The following COQ5 variants were observed in gnomAD, a reference collection of about 807,000 sequenced individuals.
The protein encoded by COQ5 is coenzyme Q5, methyltransferase, also known as 2-methoxy-6-polyprenyl-1,4-benzoquinol methylase, mitochondrial.
A neutral mutation model predicts 40.5 loss-of-function variants in COQ5; 27 were observed. That is an observed-to-expected ratio of 0.67 (90% CI 0.49 to 0.92). COQ5 has a LOEUF of 0.92. Among genes scored for constraint, COQ5 ranks in the 40% least tolerant of loss-of-function variants. The pLI is 0.00. For missense variants in COQ5, 409 were observed against 406.4 expected (o/e 1.01, Z -0.06); for synonymous variants, 141 against 150.0 (o/e 0.94, Z 0.44).
rs1185054034 is a variant in COQ5 at position 120,510,047 on chromosome 12, A to C, written c.651T>G (p.Phe217Leu). The change falls in exon 4 of 7, where the codon TTT becomes TTG. Residue 217 changes from phenylalanine to leucine, a missense_variant. Coordinates refer to ENST00000288532, the MANE Select transcript of COQ5 (RefSeq NM_032314.4). The part of the protein sequence containing the change: ...DDKFDIYTIA[F>L]GIRNVTHIDQ... The stretch of plus-strand genomic sequence containing the variant: ...CAATGTGTGTGACATTCCGGATCCC[A>C]AAGGCAATGGTGTAAATATCAAACT... The C allele has an allele frequency of 6.2e-7, 1 of 1,614,166 alleles. No homozygotes were observed. The highest frequency in any genetic ancestry group is 1.1e-5 in the South Asian group (1 of 91,082).
chr12:120,505,372 TTTTTTTA>T (rs1289763148), intron 4 of COQ5, among the ~76,000 whole-genome samples: 19 of 152,100 alleles, frequency 1.2e-4, no homozygotes, highest in Non-Finnish European at 2.2e-4. Flanking sequence ...TATTCACTTT[TTTTTTTA>T]TTTTTTATTT....
rs1188073766 is a variant in COQ5, at chr12:120,516,548, T to C, written c.574+19A>G. On this transcript the variant is annotated intron_variant, in intron 3 of 6. Transcript: ENST00000288532. ...AAGATACAAATACTTCCCCTGTGTC[T>C]GCCTTCTGCAGGACTCACCAGCTCT... 1.3e-6 allele frequency: 2 copies of C among 1,561,462 alleles called. No homozygotes were observed. The highest frequency in any genetic ancestry group is 3.3e-5 in the Admixed American group (2 of 59,938).
At chr12:120,527,998 A>AAAAAAG (rs1448431717) in intron 1 of COQ5, among the ~76,000 whole-genome samples, 3 of 126,038 alleles carry the variant, frequency 2.4e-5, no homozygotes, top group African/African-American at 3.6e-5. Flanking sequence ...CAAAAAAAAA[A>AAAAAAG]AAAAAAAAAA....
intron 1 of COQ5, chr12:120,523,380 T>C (rs1869771557): frequency 2.7e-6 from 1 of 369,350 alleles, no homozygotes; most frequent in Non-Finnish European, 5.2e-6. Flanking sequence ...TCGGGGTTTC[T>C]TGATACCATT....
chr12:120,515,369 C>T (rs975335391), intron 3 of COQ5, among the ~76,000 whole-genome samples: 4 of 152,210 alleles, frequency 2.6e-5, no homozygotes, highest in African/African-American at 9.7e-5. Context: ...GGATTACAGG[C>T]ATGAGCCACC....
chr12:120,522,629 C>G (rs753415866), intron 1 of COQ5: 3 of 652,140 alleles, frequency 4.6e-6, no homozygotes, highest in African/African-American at 3.6e-5. Flanking sequence ...TCACACCAGT[C>G]CTTCTGTCCT....
Position 120,516,579 on chromosome 12 carries a change from C to T in COQ5, c.562G>A (p.Gly188Arg). The stretch of plus-strand genomic sequence containing the variant: ...CTGCAGGACTCACCAGCTCTGTATC[C>T]TTGAGCCAAGGCTTTCTGCTTTCCA... The part of the protein sequence containing the change: ...KVGKQKALAQ[G>R]YRAGLAWVLG... The change falls in exon 3 of 7, where the codon GGA becomes AGA. Residue 188 changes from glycine to arginine, a missense_variant. Physicochemically the swap from Gly to Arg is moderately radical, Grantham distance 125. Transcript: ENST00000288532. 1 of 1,613,832 alleles carries T rather than the reference C, an allele frequency of 6.2e-7. No homozygotes were observed. The highest frequency in any genetic ancestry group is 8.5e-7 in the Non-Finnish European group (1 of 1,179,764).
At chr12:120,506,668 A>ATT (rs34935556) in intron 4 of COQ5, among the ~76,000 whole-genome samples, 1 of 151,610 alleles carries the variant, frequency 6.6e-6, no homozygotes, top group African/African-American at 2.4e-5. Context: ...CGCCCAGCCT[A>ATT]TTTTTTTTAT....
chr12:120,513,277 G>A (rs1869221221), intron 3 of COQ5, among the ~76,000 whole-genome samples: 1 of 150,100 alleles, frequency 6.7e-6, no homozygotes, highest in East Asian at 2.1e-4. Context: ...GCCGAGGCGG[G>A]CGGATCACAA....
intron 1 of COQ5, chr12:120,523,340 G>GAA: frequency 5.1e-5 from 16 of 314,548 alleles, no homozygotes; most frequent in Non-Finnish European, 7.4e-5. Context: ...CCGTCTCAAA[G>GAA]AAAAAAAAAT....
intron 2 of COQ5, among the ~76,000 whole-genome samples, chr12:120,518,426 CAA>C (rs1216184668): frequency 1.7e-4 from 12 of 71,458 alleles, no homozygotes; most frequent in Admixed American, 3.0e-4. Context: ...AGACCGTTTC[CAA>C]AAAAAAAAAA....
chr12:120,522,263 C>T lies in COQ5; in HGVS notation c.303G>A (p.Lys101=). The T allele has an allele frequency of 6.2e-7, 1 of 1,614,178 alleles. No homozygotes were observed. Among genetic ancestry groups the T allele is most frequent in the Non-Finnish European group, 8.5e-7 (1 of 1,180,040 alleles). ...HRVWKDLLLW[K]MHPLPGTQLL... is the part of the protein sequence containing the mutation. ...GCTGGGTCCCAGGAAGCGGGTGCAT[C>T]TTCCAGAGCAGCAAATCCTTCCAAA... Residue 101 remains lysine, a synonymous_variant, in exon 2 of 7, where the codon AAG becomes AAA. Coordinates refer to ENST00000288532, the MANE Select transcript of COQ5 (RefSeq NM_032314.4).
Position 120,510,045 on chromosome 12 carries a change from C to T in COQ5, c.653G>A (p.Gly218Glu). The T allele has an allele frequency of 6.2e-7, 1 of 1,614,058 alleles. No individual in the cohort carries two copies. The highest frequency in any genetic ancestry group is 8.5e-7 in the Non-Finnish European group (1 of 1,179,956). The change falls in exon 4 of 7, where the codon GGG (glycine) becomes GAG (glutamate). Residue 218 changes from glycine to glutamate, a missense_variant. Gly to Glu is a moderately conservative substitution (Grantham distance 98). Coordinates refer to ENST00000288532, the MANE Select transcript of COQ5 (RefSeq NM_032314.4). ...DKFDIYTIAF[G>E]IRNVTHIDQA... The stretch of plus-strand genomic sequence containing the variant: ...ATCAATGTGTGTGACATTCCGGATC[C>T]CAAAGGCAATGGTGTAAATATCAAA...
chr12:120,504,408 A>ATTTTTT (rs33973905), intron 5 of COQ5, among the ~76,000 whole-genome samples: 2 of 111,064 alleles, frequency 1.8e-5, no homozygotes, highest in Non-Finnish European at 3.5e-5. Context: ...CCTGATTTAA[A>ATTTTTT]TTTTTTTTTT....
Position 120,503,551 on chromosome 12 carries a change from C to T in COQ5, c.*233G>A, listed in dbSNP as rs1410262388. The T allele has an allele frequency of 6.2e-6, 4 of 642,590 alleles. No homozygotes were observed. Among genetic ancestry groups the T allele is most frequent in the Non-Finnish European group, 1.2e-5 (4 of 347,050 alleles). The allele number at this position is 642,590 out of a possible 1,614,324, so 39.8% of individuals were successfully genotyped here. A position where few individuals can be genotyped will look rare whatever the true frequency, so the allele number is the denominator to read the frequency against. On this transcript the variant is annotated 3_prime_UTR_variant, in exon 7 of 7. Coordinates refer to ENST00000288532, the MANE Select transcript of COQ5 (RefSeq NM_032314.4). Reference sequence around the variant, plus strand: ...CAGCCAAGAGAAATTAGCAGTTGAGCAAAGATACAGACCAAATGCCTCTGG... The same window carrying T: ...CAGCCAAGAGAAATTAGCAGTTGAGTAAAGATACAGACCAAATGCCTCTGG...
Position 120,529,044 on chromosome 12 carries a change from C to T in COQ5, c.98G>A (p.Trp33Ter), listed in dbSNP as rs1870098319. 1.2e-6 allele frequency: 2 copies of T among 1,614,022 alleles called. No individual in the cohort carries two copies. The highest frequency in any genetic ancestry group is 1.1e-5 in the South Asian group (1 of 91,090). Residue 33 changes from tryptophan to a stop codon, truncating the protein, a stop_gained, in exon 1 of 7, where the codon TGG becomes TAG. Coordinates refer to ENST00000288532, the MANE Select transcript of COQ5 (RefSeq NM_032314.4). LOFTEE classifies it high-confidence loss of function. ...GCQLLGLRSS[W>*]PGDLLSARLL... ...CCGAGCACTTAGTAGGTCCCCGGGCCAAGAGCTACGAAGCCCGAGGAGCTG... is the reference window on the plus strand; with the variant it reads ...CCGAGCACTTAGTAGGTCCCCGGGCTAAGAGCTACGAAGCCCGAGGAGCTG...
Position 120,522,514 on chromosome 12 carries a change from T to G in COQ5, c.203-151A>C, listed in dbSNP as rs1050226612. 1.8e-5 allele frequency: 13 copies of G among 731,726 alleles called. No individual in the cohort carries two copies. The African/African-American group carries it at 1.9e-4, about 11-fold the overall frequency. The allele number at this position is 731,726 out of a possible 1,614,324, so 45.3% of individuals were successfully genotyped here. ...AATGCTTGATGCCCAAATCTACACC[T>G]TAACATTACCTCTTTATTGATTTAT... On this transcript the variant is annotated intron_variant, in intron 1 of 6. Transcript: ENST00000288532.
At position 120,526,239 on chromosome 12, in the gene COQ5, C is replaced by T. The variant is rs145663757; in HGVS notation, c.202+2701G>A. 1.8e-3 allele frequency among the ~76,000 whole-genome samples: 275 copies of T among 152,314 alleles called. 2 individuals carry two copies. The highest frequency in any genetic ancestry group is 5.8e-3 in the African/African-American group (239 of 41,562). Reference sequence around the variant, plus strand: ...AGTAAAGCATGTACTTGTATTGCCTCTTTATCTTTCAGTGATAAAGCACAC... The same window carrying T: ...AGTAAAGCATGTACTTGTATTGCCTTTTTATCTTTCAGTGATAAAGCACAC... On this transcript the variant is annotated intron_variant, in intron 1 of 6. Coordinates refer to ENST00000288532, the MANE Select transcript of COQ5 (RefSeq NM_032314.4).
chr12:120,520,474 T>A (rs1311920188), intron 2 of COQ5, among the ~76,000 whole-genome samples: 1 of 152,008 alleles, frequency 6.6e-6, no homozygotes, highest in Non-Finnish European at 1.5e-5. Flanking sequence ...TACAGGCGCA[T>A]GCCACCACAA....
Sources: gnomAD v4.1 joint callset for allele counts (sites outside exome capture counted in the v4.1 genomes callset) on GRCh38, gnomAD v4.1.1 for gene constraint, MANE v1.5 for transcripts, NCBI Gene and HGNC (gene_info 2026-07-23, HGNC 2026-07-21) for gene names.